Variants in STXBP5 observed in about 807,000 individuals in gnomAD.
The protein encoded by STXBP5 is syntaxin-binding protein 5.
In STXBP5, 50 loss-of-function variants were observed where a neutral mutation model predicts 152.4. The observed-to-expected ratio is 0.33, with a 90% confidence interval of 0.26 to 0.42. The LOEUF (loss-of-function observed/expected upper bound fraction) is 0.42. STXBP5 is among the 10% of genes least tolerant of loss of function. The pLI is 1.00. For missense variants in STXBP5, 1,167 were observed against 1,388.6 expected, an observed-to-expected ratio of 0.84 and a Z score of 2.54; for synonymous variants, 492 against 494.7, an observed-to-expected ratio of 0.99 and a Z score of 0.07.
chr6:147,234,319 G>T (rs374849457), intron 2 of STXBP5, among the ~76,000 whole-genome samples: 10 of 151,820 alleles, frequency 6.6e-5, no homozygotes, highest in East Asian at 5.8e-4. Context: ...AAGGTAAAAT[G>T]CATATAACAG....
chr6:147,214,981 A>G (rs1173885170), intron 2 of STXBP5, among the ~76,000 whole-genome samples: 1 of 152,222 alleles, frequency 6.6e-6, no homozygotes, highest in Admixed American at 6.5e-5. Flanking sequence ...GTGTGTGTGC[A>G]GACACTTAAA....
In STXBP5 at chr6:147,361,571, T is replaced by A. The variant is rs138484643; in HGVS notation, c.2546-1764T>A. 1.3e-3 allele frequency among the ~76,000 whole-genome samples: 200 copies of A among 152,242 alleles called. 1 individual carries two copies. Among genetic ancestry groups the A allele is most frequent in the African/African-American group, 4.5e-3 (185 of 41,558 alleles). On this transcript the variant is annotated intron_variant, in intron 23 of 27. Coordinates refer to ENST00000321680, the MANE Select transcript of STXBP5 (RefSeq NM_001127715.4). Reference sequence around the variant, plus strand: ...TTCTGTGCTTCAGAGCCTAAAGTGGTCTACTTTGTCTGCTGTTATTTTTTC... The same window carrying A: ...TTCTGTGCTTCAGAGCCTAAAGTGGACTACTTTGTCTGCTGTTATTTTTTC...
rs753785640 is a variant in STXBP5, at chr6:147,314,011, C to T, written c.1273C>T (p.Arg425Cys). ...ALYSVGARQK[R>C]QGYSKKEWPI... The stretch of plus-strand genomic sequence containing the variant: ...TTATTCTGTTGGAGCTAGACAGAAA[C>T]GTCAAGGTTACAGCAAAAAGGTATT... The change falls in exon 12 of 28, where the codon CGT (arginine) becomes TGT (cysteine). Residue 425 changes from arginine (R) to cysteine (C), a missense_variant. Coordinates refer to ENST00000321680, the MANE Select transcript of STXBP5 (RefSeq NM_001127715.4). The T allele has an allele frequency of 1.4e-5, 23 of 1,588,716 alleles. No individual in the cohort carries two copies. The highest frequency in any genetic ancestry group is 3.3e-4 in the Middle Eastern group (2 of 5,978).
intron 4 of STXBP5, among the ~76,000 whole-genome samples, chr6:147,257,881 G>A (rs980391612): frequency 6.6e-6 from 1 of 152,090 alleles, no homozygotes; most frequent in African/African-American, 2.4e-5. Flanking sequence ...AACCTGGGTC[G>A]GCTCAGCAGG....
intron 25 of STXBP5, among the ~76,000 whole-genome samples, chr6:147,369,830 TG>T (rs1191876489): frequency 1.3e-5 from 2 of 152,044 alleles, no homozygotes; most frequent in Non-Finnish European, 1.5e-5. Context: ...ACAATGCTGA[TG>T]GGAATGTAAA....
At chr6:147,258,946 G>C (rs1357526441) in intron 4 of STXBP5, among the ~76,000 whole-genome samples, 1 of 152,042 alleles carries the variant, frequency 6.6e-6, no homozygotes, top group East Asian at 1.9e-4. Flanking sequence ...TACATGTTCA[G>C]AGCCATGACA....
chr6:147,212,183 A>G (rs1296077215), intron 2 of STXBP5, among the ~76,000 whole-genome samples: 1 of 152,200 alleles, frequency 6.6e-6, no homozygotes, highest in Admixed American at 6.5e-5. Context: ...TTTATTTCGC[A>G]GTGGATTTCT....
Position 147,249,663 on chromosome 6 carries a change from C to T in STXBP5, c.431+10393C>T, listed in dbSNP as rs1778989704. On this transcript the variant is annotated intron_variant, in intron 4 of 27. Coordinates refer to ENST00000321680, the MANE Select transcript of STXBP5 (RefSeq NM_001127715.4). Reference sequence around the variant, plus strand: ...TTGAGTGAAGAAGTTTTAAAGGAACCAGGACTTGACAATTTGGGGAATTCC... The same window carrying T: ...TTGAGTGAAGAAGTTTTAAAGGAACTAGGACTTGACAATTTGGGGAATTCC... Among the ~76,000 whole-genome samples the T allele has an allele frequency of 2.0e-5, 3 of 152,052 alleles. No individual in the cohort carries two copies. In the South Asian group the frequency reaches 6.2e-4, roughly 32 times the overall value.
chr6:147,359,532 C>T (rs762030441), intron 23 of STXBP5, among the ~76,000 whole-genome samples: 3 of 151,862 alleles, frequency 2.0e-5, no homozygotes, highest in African/African-American at 4.8e-5. Context: ...CATATGTATA[C>T]ATATGACATG....
chr6:147,290,744 C>T (rs1781237768), intron 8 of STXBP5, among the ~76,000 whole-genome samples: 1 of 152,112 alleles, frequency 6.6e-6, no homozygotes, highest in African/African-American at 2.4e-5. Flanking sequence ...TTATTTTTCT[C>T]AAATCTTGCT....
At chr6:147,328,177 T>A (rs778426905) in intron 18 of STXBP5, among the ~76,000 whole-genome samples, 15 of 152,176 alleles carry the variant, frequency 9.9e-5, no homozygotes, top group Non-Finnish European at 1.5e-4. Flanking sequence ...GCCCTTTTTT[T>A]ATTTCATGAC....
intron 25 of STXBP5, 30 bp from the exon 26 acceptor site, chr6:147,373,701 C>A: frequency 6.5e-7 from 1 of 1,545,456 alleles, no homozygotes; most frequent in South Asian, 1.1e-5. Context: ...CCTGAAATTT[C>A]AACAGTGACA....
At chr6:147,261,533 A>ATT (rs1779639074) in intron 5 of STXBP5, among the ~76,000 whole-genome samples, 1 of 152,014 alleles carries the variant, frequency 6.6e-6, no homozygotes, top group Non-Finnish European at 1.5e-5. Flanking sequence ...TGAGATAAGG[A>ATT]TAATTCTGTG....
At chr6:147,215,366 A>G (rs1777106286) in intron 2 of STXBP5, among the ~76,000 whole-genome samples, 1 of 152,140 alleles carries the variant, frequency 6.6e-6, no homozygotes, top group African/African-American at 2.4e-5. Context: ...CTTAAAAAGA[A>G]TCAGTAATTT....
intron 21 of STXBP5, among the ~76,000 whole-genome samples, chr6:147,344,803 T>TTACC (rs10683627): frequency 6.6e-6 from 1 of 151,550 alleles, no homozygotes; most frequent in South Asian, 2.1e-4. Context: ...TCCGTAACAC[T>TTACC]GTGTTAGGTT....
In STXBP5 at chr6:147,286,051, A is replaced by G. The variant is rs143246189; in HGVS notation, c.839-5043A>G. 1.2e-3 allele frequency among the ~76,000 whole-genome samples: 190 copies of G among 152,284 alleles called. 1 individual carries two copies. The highest frequency in any genetic ancestry group is 4.4e-3 in the African/African-American group (182 of 41,570). ...TTACTGAAAGGTCATATACATCTCT[A>G]TATAGATTGGAATAGAGGTTGAAGT... On this transcript the variant is annotated intron_variant, in intron 8 of 27. Coordinates refer to ENST00000321680, the MANE Select transcript of STXBP5 (RefSeq NM_001127715.4).
intron 4 of STXBP5, among the ~76,000 whole-genome samples, chr6:147,260,236 A>G (rs547343000): frequency 6.6e-6 from 1 of 152,310 alleles, no homozygotes; most frequent in East Asian, 1.9e-4. Context: ...AGATGGATTA[A>G]TGTGCTTAGT....
intron 18 of STXBP5, among the ~76,000 whole-genome samples, chr6:147,329,477 A>T (rs896821112): frequency 6.6e-6 from 1 of 150,890 alleles, no homozygotes; most frequent in Non-Finnish European, 1.5e-5. Context: ...AAATTTATAA[A>T]TATTTGAAAT....
At chr6:147,370,075 A>G (rs1785471690) in intron 25 of STXBP5, among the ~76,000 whole-genome samples, 2 of 152,114 alleles carry the variant, frequency 1.3e-5, no homozygotes, top group Admixed American at 6.5e-5. Flanking sequence ...CAGCAATACA[A>G]AGGAGTAAAC....
Sources: allele counts gnomAD v4.1 joint callset (sites outside exome capture counted in the v4.1 genomes callset), GRCh38; gene constraint gnomAD v4.1.1; transcripts MANE v1.5; gene names NCBI Gene and HGNC (gene_info 2026-07-23, HGNC 2026-07-21).